OTOGL: variants seen among roughly 807,000 people sequenced by gnomAD.
OTOGL encodes otogelin-like protein.
OTOGL carries 285 observed loss-of-function variants against 318.5 expected under a neutral mutation model. That is an observed-to-expected ratio of 0.89 (90% CI 0.81 to 0.99). OTOGL has a LOEUF of 0.99. Ranked by LOEUF, OTOGL falls within the 50% of genes least tolerant of loss-of-function variation. The pLI, the probability that OTOGL is intolerant of heterozygous loss-of-function variation, is 0.00. For missense variants in OTOGL, 2,899 were observed against 2,845.6 expected, an observed-to-expected ratio of 1.02 and a Z score of -0.43; for synonymous variants, 987 against 936.5, an observed-to-expected ratio of 1.05 and a Z score of -0.99.
chr12:80,366,253 A>G (rs975139320), intron 52 of OTOGL: 2 of 435,184 alleles, frequency 4.6e-6, no homozygotes, highest in African/African-American at 2.0e-5. Context: ...TGTGTTGCTG[A>G]TGTGTATACT....
At chr12:80,120,777 T>C (rs1870441681) in intron 1 of OTOGL, among the ~76,000 whole-genome samples, 1 of 152,058 alleles carries the variant, frequency 6.6e-6, no homozygotes, top group South Asian at 2.1e-4. Flanking sequence ...GTCTGCAGAG[T>C]TGGGTTTATA....
intron 29 of OTOGL, among the ~76,000 whole-genome samples, chr12:80,309,636 G>A (rs1464049638): frequency 2.0e-5 from 3 of 152,186 alleles, no homozygotes; most frequent in Non-Finnish European, 2.9e-5. Context: ...ACTGTATTAG[G>A]AAGGATGAAT....
rs779640495 is a variant in OTOGL at position 80,314,346 on chromosome 12, A to T, written c.3634+15A>T. 2.9e-6 allele frequency: 3 copies of T among 1,031,322 alleles called. No homozygotes were observed. The highest frequency in any genetic ancestry group is 3.9e-6 in the Non-Finnish European group (3 of 773,752). The allele number at this position is 1,031,322 out of a possible 1,614,324, so 63.9% of individuals were successfully genotyped here. Reference sequence around the variant, plus strand: ...CTACAATGAAGGTATGTGACATTCAAATTAAAAATATCACTATAGTATTCT... The same window carrying T: ...CTACAATGAAGGTATGTGACATTCATATTAAAAATATCACTATAGTATTCT... On this transcript the variant is annotated intron_variant, in intron 32 of 58. Transcript: ENST00000547103.
intron 2 of OTOGL, 97 bp from the exon 3 acceptor site, chr12:80,210,750 T>C: frequency 1.1e-6 from 1 of 937,278 alleles, no homozygotes; most frequent in South Asian, 2.3e-5. Context: ...AATCAGAATT[T>C]TAGAATTTAG....
At chr12:80,194,645 G>A (rs1048317852) in intron 1 of OTOGL, among the ~76,000 whole-genome samples, 1 of 152,006 alleles carries the variant, frequency 6.6e-6, no homozygotes, top group Non-Finnish European at 1.5e-5. Context: ...ATGAGAAAAA[G>A]TTTTCCATTA....
chr12:80,156,321 C>T (rs1308490718), intron 1 of OTOGL, among the ~76,000 whole-genome samples: 1 of 152,218 alleles, frequency 6.6e-6, no homozygotes, highest in Non-Finnish European at 1.5e-5. Context: ...GGAACTCAGA[C>T]TGGCTTCCTT....
chr12:80,207,293 C>T (rs1203301484), intron 1 of OTOGL, among the ~76,000 whole-genome samples: 1 of 152,104 alleles, frequency 6.6e-6, no homozygotes, highest in Non-Finnish European at 1.5e-5. Flanking sequence ...GCTCCGCCTC[C>T]CAGGTTCAAG....
chr12:80,230,291 A>G (rs1835365878), intron 8 of OTOGL, among the ~76,000 whole-genome samples: 1 of 152,144 alleles, frequency 6.6e-6, no homozygotes. Flanking sequence ...GGAGCCTTGA[A>G]ACAGCCAGAC....
intron 1 of OTOGL, among the ~76,000 whole-genome samples, chr12:80,187,914 C>T (rs1354313529): frequency 6.6e-6 from 1 of 152,168 alleles, no homozygotes; most frequent in Non-Finnish European, 1.5e-5. Context: ...CACCGGATTG[C>T]TGCCCCTTCG....
chr12:80,306,950 G>GCGGCCTTTC (rs1886162602), intron 29 of OTOGL, among the ~76,000 whole-genome samples: 1 of 148,990 alleles, frequency 6.7e-6, no homozygotes, highest in Non-Finnish European at 1.5e-5. Flanking sequence ...AGAGGACCCT[G>GCGGCCTTTC]CGGCCTTTCC....
At chr12:80,377,243 CT>C in intron 58 of OTOGL, 41 bp downstream of exon 58, 2 of 1,459,158 alleles carry the variant, frequency 1.4e-6, no homozygotes, top group South Asian at 2.5e-5. Flanking sequence ...ATGCACACAT[CT>C]TTTTAGAAAG....
At chr12:80,201,923 C>T (rs1168828374) in intron 1 of OTOGL, among the ~76,000 whole-genome samples, 1 of 152,160 alleles carries the variant, frequency 6.6e-6, no homozygotes, top group African/African-American at 2.4e-5. Context: ...ATAACCTAAT[C>T]AATCCAAAAG....
intron 33 of OTOGL, among the ~76,000 whole-genome samples, chr12:80,319,368 G>T (rs1200047180): frequency 6.6e-6 from 1 of 152,142 alleles, no homozygotes; most frequent in Non-Finnish European, 1.5e-5. Flanking sequence ...ATGACATGTT[G>T]TATAAGCTTA....
intron 1 of OTOGL, among the ~76,000 whole-genome samples, chr12:80,193,178 A>G (rs1053370406): frequency 1.3e-5 from 2 of 152,156 alleles, no homozygotes; most frequent in South Asian, 2.1e-4. Context: ...GAACTTCAGA[A>G]CTTCATTTTA....
At chr12:80,162,892 C>T (rs1014356314) in intron 1 of OTOGL, among the ~76,000 whole-genome samples, 4 of 151,922 alleles carry the variant, frequency 2.6e-5, no homozygotes, top group East Asian at 1.9e-4. Flanking sequence ...ACCCCTTGCC[C>T]CCACTGCTGA....
intron 7 of OTOGL, among the ~76,000 whole-genome samples, chr12:80,225,532 G>A (rs1396827278): frequency 6.6e-6 from 1 of 152,096 alleles, no homozygotes; most frequent in Non-Finnish European, 1.5e-5. Context: ...GGAAAATTCA[G>A]AGAAGTCTGA....
chr12:80,363,644 A>T (rs754286274), intron 52 of OTOGL, among the ~76,000 whole-genome samples: 1 of 152,220 alleles, frequency 6.6e-6, no homozygotes, highest in Non-Finnish European at 1.5e-5. Flanking sequence ...GACAAACATT[A>T]CAATGGCCAG....
intron 52 of OTOGL, among the ~76,000 whole-genome samples, chr12:80,361,767 A>G (rs139954757): frequency 6.6e-6 from 1 of 152,240 alleles, no homozygotes; most frequent in East Asian, 1.9e-4. Flanking sequence ...TTGGCCATTT[A>G]TATGTTTTCT....
chr12:80,213,925 G>A (rs1432185615), intron 4 of OTOGL, among the ~76,000 whole-genome samples: 4 of 152,204 alleles, frequency 2.6e-5, no homozygotes, highest in Non-Finnish European at 4.4e-5. Flanking sequence ...GGGTAGATAA[G>A]TGCGCAAATA....
Sources: allele counts gnomAD v4.1 joint callset (sites outside exome capture counted in the v4.1 genomes callset), GRCh38; gene constraint gnomAD v4.1.1; transcripts MANE v1.5; gene names NCBI Gene and HGNC (gene_info 2026-07-23, HGNC 2026-07-21).